The following LHFPL3 variants were observed in gnomAD, a reference collection of about 807,000 sequenced individuals.
LHFPL3 encodes the protein LHFPL tetraspan subfamily member 3 protein.
A neutral mutation model predicts 19.3 loss-of-function variants in LHFPL3; 5 were observed. That is an observed-to-expected ratio of 0.26 (90% CI 0.14 to 0.54). The LOEUF is 0.54. LHFPL3 is among the 20% of genes least tolerant of loss of function. LHFPL3 has a pLI of 0.94. For synonymous variants in LHFPL3, 133 were observed against 126.2 expected (o/e 1.05, Z -0.36); for missense variants, 249 against 307.4 (o/e 0.81, Z 1.42).
At chr7:104,687,089 G>A (rs189556555) in intron 1 of LHFPL3, among the ~76,000 whole-genome samples, 28 of 152,352 alleles carry the variant, frequency 1.8e-4, no homozygotes, top group African/African-American at 6.0e-4. Flanking sequence ...CACAGAGCCA[G>A]ACCATATATA....
chr7:104,520,202 A>T (rs1794027842), intron 1 of LHFPL3, among the ~76,000 whole-genome samples: 2 of 152,140 alleles, frequency 1.3e-5, no homozygotes, highest in Admixed American at 6.5e-5. Flanking sequence ...CTATTGACAT[A>T]ATCATGTGGT....
rs1790612102 is a variant in LHFPL3, at chr7:104,587,795, T to G, written c.446-148880T>G. Among the ~76,000 whole-genome samples, 3 of 152,218 alleles carry G rather than the reference T, an allele frequency of 2.0e-5. No individual in the cohort carries two copies. The South Asian group carries it at 6.2e-4, about 32-fold the overall frequency. On this transcript the variant is annotated intron_variant, in intron 1 of 2. Transcript: ENST00000424859. The stretch of plus-strand genomic sequence containing the variant: ...CTCCAGCACCTGTTGTTTCCTGACT[T>G]TTTAATGATCGCCATTCTAACTGGT...
At chr7:104,458,752 G>T (rs1333411708) in intron 1 of LHFPL3, among the ~76,000 whole-genome samples, 1 of 151,594 alleles carries the variant, frequency 6.6e-6, no homozygotes, top group Non-Finnish European at 1.5e-5. Flanking sequence ...TTTATGTGGT[G>T]TTATTGGCTA....
intron 1 of LHFPL3, among the ~76,000 whole-genome samples, chr7:104,700,787 C>G (rs911268389): frequency 1.3e-5 from 2 of 151,988 alleles, no homozygotes; most frequent in African/African-American, 4.8e-5. Context: ...TTTTAATTAC[C>G]TTTTTGTCTT....
At chr7:104,686,325 T>C (rs1425835190) in intron 1 of LHFPL3, among the ~76,000 whole-genome samples, 1 of 152,150 alleles carries the variant, frequency 6.6e-6, no homozygotes, top group African/African-American at 2.4e-5. Flanking sequence ...GGTGAAATCA[T>C]ACTTAACAGG....
chr7:104,613,167 C>G (rs773574926), intron 1 of LHFPL3, among the ~76,000 whole-genome samples: 15 of 152,178 alleles, frequency 9.9e-5, no homozygotes, highest in Non-Finnish European at 1.9e-4. Flanking sequence ...AAGACATCCA[C>G]TGGCAAAGTA....
chr7:104,499,888 A>G (rs983372038), intron 1 of LHFPL3, among the ~76,000 whole-genome samples: 6 of 152,390 alleles, frequency 3.9e-5, no homozygotes, highest in African/African-American at 1.4e-4. Context: ...GAAAAAAAGG[A>G]AAATACTGCT....
chr7:104,519,237 ATTGGGGCCT>A (rs1793994944), intron 1 of LHFPL3, among the ~76,000 whole-genome samples: 1 of 152,056 alleles, frequency 6.6e-6, no homozygotes, highest in South Asian at 2.1e-4. Flanking sequence ...TTCAGCTAGG[ATTGGGGCCT>A]TTGAGGGAAG....
chr7:104,819,924 A>C (rs1403457000), intron 2 of LHFPL3, among the ~76,000 whole-genome samples: 1 of 152,198 alleles, frequency 6.6e-6, no homozygotes, highest in African/African-American at 2.4e-5. Flanking sequence ...CCCCAACAGA[A>C]GGGCAAATAC....
At chr7:104,770,050 A>T (rs903591984) in intron 2 of LHFPL3, among the ~76,000 whole-genome samples, 3 of 152,274 alleles carry the variant, frequency 2.0e-5, no homozygotes, top group African/African-American at 7.2e-5. Context: ...GCTAAGAAAA[A>T]GGGTTTCTCC....
intron 1 of LHFPL3, among the ~76,000 whole-genome samples, chr7:104,497,002 G>A (rs1793494796): frequency 6.6e-6 from 1 of 152,116 alleles, no homozygotes; most frequent in African/African-American, 2.4e-5. Flanking sequence ...GGTCCCCTTT[G>A]CTCATTCCAT....
intron 1 of LHFPL3, among the ~76,000 whole-genome samples, chr7:104,331,869 G>T (rs1438590170): frequency 1.3e-5 from 2 of 151,932 alleles, no homozygotes; most frequent in African/African-American, 4.8e-5. Context: ...AGAATCTCTT[G>T]AGCTTGGGAG....
chr7:104,621,664 C>T (rs1791448697), intron 1 of LHFPL3, among the ~76,000 whole-genome samples: 1 of 152,178 alleles, frequency 6.6e-6, no homozygotes, highest in Non-Finnish European at 1.5e-5. Flanking sequence ...ATCTGTCTCA[C>T]AAGGGGGTTG....
At chr7:104,682,990 T>C (rs986086491) in intron 1 of LHFPL3, among the ~76,000 whole-genome samples, 3 of 152,168 alleles carry the variant, frequency 2.0e-5, no homozygotes, top group African/African-American at 4.8e-5. Context: ...TGTTTTTTAA[T>C]TACTATTTTT....
chr7:104,511,944 CTTTTTTTTTTT>C (rs58712044), intron 1 of LHFPL3, among the ~76,000 whole-genome samples: 1 of 111,988 alleles, frequency 8.9e-6, no homozygotes, highest in Admixed American at 1.0e-4. Flanking sequence ...CTTTCCTTTT[CTTTTTTTTTTT>C]TTTTTTTTTG....
chr7:104,838,659 C>T (rs1177774564), intron 2 of LHFPL3, among the ~76,000 whole-genome samples: 1 of 152,228 alleles, frequency 6.6e-6, no homozygotes, highest in Non-Finnish European at 1.5e-5. Context: ...TCTTGCAAAA[C>T]AGTGACGGAA....
intron 1 of LHFPL3, among the ~76,000 whole-genome samples, chr7:104,460,965 T>G (rs972594894): frequency 2.0e-5 from 3 of 152,344 alleles, no homozygotes; most frequent in African/African-American, 7.2e-5. Flanking sequence ...TTTATAGTTT[T>G]GGGTTTTACA....
intron 1 of LHFPL3, chr7:104,469,900 T>C: frequency 2.6e-6 from 1 of 381,848 alleles, no homozygotes; most frequent in South Asian, 2.1e-5. Context: ...TATTAATATC[T>C]ATATCTAACC....
intron 1 of LHFPL3, among the ~76,000 whole-genome samples, chr7:104,520,208 G>T (rs908884794): frequency 2.4e-4 from 37 of 152,230 alleles, no homozygotes; most frequent in Admixed American, 2.0e-4. Context: ...ACATAATCAT[G>T]TGGTTTTTGT....
Sources: allele counts gnomAD v4.1 joint callset (sites outside exome capture counted in the v4.1 genomes callset), GRCh38; gene constraint gnomAD v4.1.1; transcripts MANE v1.5; gene names NCBI Gene and HGNC (gene_info 2026-07-23, HGNC 2026-07-21).